The following EYA1 variants were observed in gnomAD, a reference collection of about 807,000 sequenced individuals.
EYA1 encodes the protein protein phosphatase EYA1.
Under a neutral mutation model 82.0 loss-of-function variants are expected in EYA1, and 16 were observed. The observed-to-expected ratio is 0.20, with a 90% CI of 0.13 to 0.30. The LOEUF is 0.30. EYA1 is among the 10% of genes least tolerant of loss of function. EYA1 has a pLI of 1.00. For missense variants in EYA1, 633 were observed against 730.7 expected (o/e 0.87, Z 1.54); for synonymous variants, 261 against 264.4 (o/e 0.99, Z 0.12).
chr8:71,397,819 A>T (rs985861434), intron 2 of EYA1, among the ~76,000 whole-genome samples: 1 of 151,986 alleles, frequency 6.6e-6, no homozygotes, highest in Non-Finnish European at 1.5e-5. Flanking sequence ...GTATTTCCTG[A>T]ATTTGAATGT....
intron 12 of EYA1, among the ~76,000 whole-genome samples, chr8:71,217,653 A>AAG (rs144672192): frequency 6.6e-6 from 1 of 151,866 alleles, no homozygotes; most frequent in Non-Finnish European, 1.5e-5. Flanking sequence ...CCTAAATAAA[A>AAG]AGTCAAACCA....
At chr8:71,315,393 A>G (rs1821809070) in intron 7 of EYA1, among the ~76,000 whole-genome samples, 3 of 152,192 alleles carry the variant, frequency 2.0e-5, no homozygotes, top group Non-Finnish European at 4.4e-5. Context: ...GAACCATACA[A>G]TTCTGTAGCT....
chr8:71,328,472 T>C (rs1823421224), intron 4 of EYA1, among the ~76,000 whole-genome samples: 1 of 152,182 alleles, frequency 6.6e-6, no homozygotes. Flanking sequence ...CAAGATCCTT[T>C]ACAGCTTCAG....
intron 2 of EYA1, among the ~76,000 whole-genome samples, chr8:71,493,841 G>A (rs1410789900): frequency 1.3e-5 from 2 of 148,980 alleles, no homozygotes; most frequent in African/African-American, 4.9e-5. Context: ...GGCTAAAACG[G>A]TGAAACCCCG....
At chr8:71,230,988 C>A (rs1811124701) in intron 12 of EYA1, among the ~76,000 whole-genome samples, 1 of 152,188 alleles carries the variant, frequency 6.6e-6, no homozygotes, top group African/African-American at 2.4e-5. Context: ...GTGTGTCCAA[C>A]ACACACTTCA....
chr8:71,527,814 T>C (rs896052031), intron 2 of EYA1, among the ~76,000 whole-genome samples: 1 of 152,210 alleles, frequency 6.6e-6, no homozygotes, highest in Non-Finnish European at 1.5e-5. Flanking sequence ...TGCAGAGTTA[T>C]AGGCATGTGA....
chr8:71,278,700 G>T (rs1055603293), intron 9 of EYA1, among the ~76,000 whole-genome samples: 7 of 152,218 alleles, frequency 4.6e-5, no homozygotes, highest in African/African-American at 1.7e-4. Flanking sequence ...CTTCACAGAG[G>T]TATTTTATTT....
intron 2 of EYA1, among the ~76,000 whole-genome samples, chr8:71,506,379 C>T (rs1327495470): frequency 6.6e-6 from 1 of 152,232 alleles, no homozygotes; most frequent in Non-Finnish European, 1.5e-5. Flanking sequence ...TTGAGCTAAA[C>T]AGGGTGACCC....
At chr8:71,405,544 T>A (rs1830174224) in intron 2 of EYA1, among the ~76,000 whole-genome samples, 2 of 152,324 alleles carry the variant, frequency 1.3e-5, no homozygotes. Context: ...GTTATTTTAA[T>A]TTATCTTGAT....
intron 2 of EYA1, among the ~76,000 whole-genome samples, chr8:71,355,209 A>C (rs1389344512): frequency 6.6e-6 from 1 of 152,234 alleles, no homozygotes; most frequent in Non-Finnish European, 1.5e-5. Flanking sequence ...GACATCTATT[A>C]TAATTTTCAA....
intron 3 of EYA1, among the ~76,000 whole-genome samples, chr8:71,353,446 G>A (rs954762168): frequency 1.4e-4 from 22 of 152,146 alleles, no homozygotes; most frequent in Admixed American, 5.2e-4. Context: ...AGTTTCAGAG[G>A]AAAAGGCACC....
intron 3 of EYA1, among the ~76,000 whole-genome samples, chr8:71,336,976 A>C (rs72654175): frequency 0.095 from 14,524 of 152,280 alleles, 813 homozygotes; most frequent in Middle Eastern, 0.18. Context: ...ATTGTAGCCA[A>C]ACATACATCC....
chr8:71,335,123 T>C (rs1156748463), intron 3 of EYA1, among the ~76,000 whole-genome samples: 1 of 152,240 alleles, frequency 6.6e-6, no homozygotes, highest in African/African-American at 2.4e-5. Flanking sequence ...AGGTATTCAT[T>C]TCTTAGTAAC....
chr8:71,208,474 A>C (rs771810395), intron 17 of EYA1, among the ~76,000 whole-genome samples: 1 of 152,160 alleles, frequency 6.6e-6, no homozygotes, highest in Non-Finnish European at 1.5e-5. Flanking sequence ...TTTCCAGTAT[A>C]AAAATTAACT....
intron 2 of EYA1, among the ~76,000 whole-genome samples, chr8:71,453,820 C>T (rs926346995): frequency 2.6e-5 from 4 of 152,082 alleles, no homozygotes; most frequent in African/African-American, 4.8e-5. Context: ...AAAAATATGC[C>T]GAATTGTAAA....
At chr8:71,539,745 C>T (rs1815000041) in intron 1 of EYA1, among the ~76,000 whole-genome samples, 1 of 152,080 alleles carries the variant, frequency 6.6e-6, no homozygotes, top group South Asian at 2.1e-4. Flanking sequence ...TCACCTGATA[C>T]AGGAATAATG....
chr8:71,364,939 CATATATATATATATATATATATATAT>C (rs34890892), upstream of EYA1, among the ~76,000 whole-genome samples: 2,202 of 88,200 alleles, frequency 0.025, 145 homozygotes, highest in African/African-American at 0.092. Flanking sequence ...AAGCAAATGT[CATATATATATATATATATATATATAT>C]ATATATATAT....
chr8:71,547,003 C>T (rs1799882566), intron 1 of EYA1, among the ~76,000 whole-genome samples: 2 of 152,150 alleles, frequency 1.3e-5, no homozygotes, highest in Admixed American at 1.3e-4. Context: ...ACACAGCGGG[C>T]ATTATTCCCA....
intron 2 of EYA1, among the ~76,000 whole-genome samples, chr8:71,462,436 G>A (rs1183352685): frequency 6.6e-6 from 1 of 152,212 alleles, no homozygotes; most frequent in Non-Finnish European, 1.5e-5. Flanking sequence ...CCACCCCTGA[G>A]CCTGCAGGGG....
Sources: gnomAD v4.1 joint callset for allele counts (sites outside exome capture counted in the v4.1 genomes callset) on GRCh38, gnomAD v4.1.1 for gene constraint, MANE v1.5 for transcripts, NCBI Gene and HGNC (gene_info 2026-07-23, HGNC 2026-07-21) for gene names.